Variants in ZNF322 observed in about 807,000 individuals in gnomAD.
ZNF322 encodes the protein HLA complex group 12.
ZNF322 carries 1 observed loss-of-function variant against 18.3 expected under a neutral mutation model. The ratio of observed to expected loss-of-function variants is 0.05; its 90% CI spans 0.02 to 0.26. The LOEUF is 0.26. Ranked by LOEUF, ZNF322 falls within the 10% of genes least tolerant of loss-of-function variation. The probability of loss-of-function intolerance (pLI) is 1.00; values close to 1 mark genes in which losing one functional copy is unlikely to be tolerated. For missense variants in ZNF322, 36 were observed against 403.6 expected, an observed-to-expected ratio of 0.09 and a Z score of 7.80; for synonymous variants, 17 against 130.7, an observed-to-expected ratio of 0.13 and a Z score of 5.93.
intron 2 of ZNF322, among the ~76,000 whole-genome samples, chr6:26,645,756 G>A (rs1485527462): frequency 6.6e-6 from 1 of 152,030 alleles, no homozygotes; most frequent in African/African-American, 2.4e-5. Context: ...GTATGGTCAG[G>A]TGCGGTGGCT....
intron 3 of ZNF322, among the ~76,000 whole-genome samples, chr6:26,642,014 C>T (rs1025255956): frequency 1.3e-5 from 2 of 152,114 alleles, no homozygotes; most frequent in Non-Finnish European, 2.9e-5. Flanking sequence ...TGGAATGTCT[C>T]GGTGTAAAAC....
intron 2 of ZNF322, among the ~76,000 whole-genome samples, chr6:26,649,637 A>ATGTGTGTG (rs58521273): frequency 8.9e-5 from 6 of 67,618 alleles, no homozygotes; most frequent in Non-Finnish European, 1.4e-4. Flanking sequence ...ATACATACAT[A>ATGTGTGTG]TGTGTGTGTG....
rs1439018076 is a variant in ZNF322, at chr6:26,634,912, C to A, written c.*2433G>T. On this transcript the variant is annotated 3_prime_UTR_variant, in exon 4 of 4. Coordinates refer to ENST00000415922, the MANE Select transcript of ZNF322 (RefSeq NM_024639.5). ...ACCCAATACTATTTTAAGTATACTA[C>A]AAATGTCAAACATATACTAGTGATA... is the stretch of plus-strand genomic sequence containing the variant. 7.2e-5 allele frequency: 2 copies of A among 27,766 alleles called. 1 individual carries two copies. Among genetic ancestry groups the A allele is most frequent in the Non-Finnish European group, 1.4e-4 (2 of 14,060 alleles). 1.7% of individuals were successfully genotyped at this position (27,766 alleles called of 1,614,324 possible).
chr6:26,634,399 AAATGTTTATTT>A lies in ZNF322; in HGVS notation c.*2935_*2945del, dbSNP rs1765319385. The stretch of plus-strand genomic sequence containing the variant: ...AGACGGAAATGGAGTTTTTCAGAAC[AAATGTTTATTT>A]AATAATTAAGGGCAAACAAAAACAT... On this transcript the variant is annotated 3_prime_UTR_variant, in exon 4 of 4. Transcript: ENST00000415922. 6.6e-6 allele frequency: 1 copy of A among 152,168 alleles called. No homozygotes were observed. The highest frequency in any genetic ancestry group is 1.5e-5 in the Non-Finnish European group (1 of 68,034). The allele number at this position is 152,168 out of a possible 1,614,324, so 9.4% of individuals were successfully genotyped here.
intron 1 of ZNF322, among the ~76,000 whole-genome samples, chr6:26,659,043 A>C (rs1192506840): frequency 6.6e-6 from 1 of 152,182 alleles, no homozygotes; most frequent in South Asian, 2.1e-4. Context: ...ATATAATATA[A>C]AGTTATCTGT....
chr6:26,651,165 T>C (rs150855319), intron 2 of ZNF322, among the ~76,000 whole-genome samples: 73 of 145,428 alleles, frequency 5.0e-4, no homozygotes, highest in African/African-American at 1.6e-3. Context: ...TGATCCATGA[T>C]AAAGGAACAA....
At chr6:26,652,489 G>A (rs1765689054) in intron 2 of ZNF322, among the ~76,000 whole-genome samples, 1 of 152,106 alleles carries the variant, frequency 6.6e-6, no homozygotes, top group Non-Finnish European at 1.5e-5. Flanking sequence ...AGGAGTTCGA[G>A]ATCAGCCTGG....
chr6:26,638,505 T>C lies in ZNF322; in HGVS notation c.49A>G (p.Ile17Val), dbSNP rs535178342. Reference protein sequence around the residue: ...KCNQRTQKRKIYNVCPRKGKK... With the variant: ...KCNQRTQKRKVYNVCPRKGKK... ...CCCTTCCGAGGGCATACATTATATA[T>C]TTTCCTTTTTTGAGTTCTCTGATTA... Residue 17 changes from isoleucine to valine, a missense_variant, in exon 4 of 4, where the codon ATA becomes GTA. Physicochemically the swap from Ile to Val is conservative, Grantham distance 29. Transcript: ENST00000415922. The C allele has an allele frequency of 6.2e-7, 1 of 1,609,340 alleles. No individual in the cohort carries two copies. The highest frequency in any genetic ancestry group is 1.3e-5 in the African/African-American group (1 of 74,782).
rs1173744119 is a variant in ZNF322 at position 26,659,313 on chromosome 6, CGCCGTCA to C, written c.-335+121_-335+127del. The C allele has an allele frequency of 1.9e-5, 3 of 156,656 alleles. No individual in the cohort carries two copies. In the East Asian group the frequency reaches 5.8e-4, roughly 30 times the overall value. 9.7% of individuals were successfully genotyped at this position (156,656 alleles called of 1,614,324 possible). A position where few individuals can be genotyped will look rare whatever the true frequency, so the allele number is the denominator to read the frequency against. ...ATTGACCATCTTTCAGTCCTCCGTC[CGCCGTCA>C]GCGGAGACCAGACCATGCTCAGTGT... On this transcript the variant is annotated intron_variant, in intron 1 of 3. Coordinates refer to ENST00000415922, the MANE Select transcript of ZNF322 (RefSeq NM_024639.5).
At chr6:26,658,257 T>C (rs1765816862) in intron 2 of ZNF322, among the ~76,000 whole-genome samples, 1 of 152,124 alleles carries the variant, frequency 6.6e-6, no homozygotes, top group South Asian at 2.1e-4. Context: ...TTTCAATACC[T>C]ATCTTCTGAC....
At chr6:26,653,961 A>G (rs9393741) in intron 2 of ZNF322, among the ~76,000 whole-genome samples, 29,156 of 149,240 alleles carry the variant, frequency 0.2, 2,950 homozygotes, top group African/African-American at 0.25. Flanking sequence ...CACAGAAGAG[A>G]AAAAAAAATA....
intron 2 of ZNF322, among the ~76,000 whole-genome samples, chr6:26,648,964 G>A (rs1355593008): frequency 6.6e-6 from 1 of 151,726 alleles, no homozygotes; most frequent in African/African-American, 2.4e-5. Flanking sequence ...CCTGCCACCT[G>A]TTTTTTTCAA....
intron 2 of ZNF322, among the ~76,000 whole-genome samples, chr6:26,647,787 C>T (rs1281183907): frequency 6.6e-6 from 1 of 151,944 alleles, no homozygotes; most frequent in African/African-American, 2.4e-5. Flanking sequence ...AAATGAAGCA[C>T]AACTTCCTAA....
At chr6:26,656,136 G>A (rs1217909488) in intron 2 of ZNF322, among the ~76,000 whole-genome samples, 1 of 151,976 alleles carries the variant, frequency 6.6e-6, no homozygotes, top group Admixed American at 6.6e-5. Context: ...ATTTTATTTT[G>A]GTTTTCAAAA....
At chr6:26,659,029 G>C (rs1374116876) in intron 1 of ZNF322, among the ~76,000 whole-genome samples, 2 of 152,110 alleles carry the variant, frequency 1.3e-5, no homozygotes, top group Non-Finnish European at 2.9e-5. Context: ...CATGTGATAA[G>C]TGTATATAAT....
intron 2 of ZNF322, among the ~76,000 whole-genome samples, 183 bp downstream of exon 2, chr6:26,658,375 G>A (rs142495529): frequency 6.6e-6 from 1 of 151,682 alleles, no homozygotes; most frequent in Non-Finnish European, 1.5e-5. Context: ...TTGAAAAGGA[G>A]TAGAAAATAG....
intron 3 of ZNF322, among the ~76,000 whole-genome samples, chr6:26,643,100 T>C (rs1378781891): frequency 1.3e-5 from 2 of 152,222 alleles, no homozygotes; most frequent in Admixed American, 1.3e-4. Flanking sequence ...ATTCTTCTCT[T>C]TGCATGTTCT....
chr6:26,652,045 G>A (rs1554149245), intron 2 of ZNF322, among the ~76,000 whole-genome samples: 1 of 152,130 alleles, frequency 6.6e-6, no homozygotes, highest in African/African-American at 2.4e-5. Flanking sequence ...TGTTGCCCAG[G>A]CTGGTATTGA....
chr6:26,651,752 C>G (rs1278168864), intron 2 of ZNF322, among the ~76,000 whole-genome samples: 1 of 152,156 alleles, frequency 6.6e-6, no homozygotes, highest in African/African-American at 2.4e-5. Flanking sequence ...CCAAATGAAT[C>G]AGATACCTAA....
Sources: gnomAD v4.1 joint callset for allele counts (sites outside exome capture counted in the v4.1 genomes callset) on GRCh38, gnomAD v4.1.1 for gene constraint, MANE v1.5 for transcripts, NCBI Gene and HGNC (gene_info 2026-07-23, HGNC 2026-07-21) for gene names.